TRERF1: variants seen among roughly 807,000 people sequenced by gnomAD.
TRERF1 encodes transcriptional-regulating factor 1.
Under a neutral mutation model 122.9 loss-of-function variants are expected in TRERF1, and 27 were observed. The ratio of observed to expected loss-of-function variants is 0.22; its 90% CI spans 0.16 to 0.30. The LOEUF is 0.30. TRERF1 is among the 10% of genes least tolerant of loss of function. TRERF1 has a pLI of 1.00. For synonymous variants in TRERF1, 636 were observed against 641.7 expected, an observed-to-expected ratio of 0.99 and a Z score of 0.13; for missense variants, 1,248 against 1,560.3, an observed-to-expected ratio of 0.80 and a Z score of 3.37.
In TRERF1 at chr6:42,349,056, G is replaced by C. The variant is rs1385531989; in HGVS notation, c.-371+13941C>G. 3.3e-5 allele frequency among the ~76,000 whole-genome samples: 5 copies of C among 152,160 alleles called. No homozygotes were observed. In the East Asian group the frequency reaches 9.6e-4, roughly 29 times the overall value. ...AGTGTAAGCCTAAGTGCTTGGAACT[G>C]CAGAAGGCTCTGTATAATGCACCGT... is the stretch of plus-strand genomic sequence containing the variant. On this transcript the variant is annotated intron_variant, in intron 3 of 17. Transcript: ENST00000372922.
intron 2 of TRERF1, among the ~76,000 whole-genome samples, chr6:42,363,516 A>G (rs1025861726): frequency 1.3e-5 from 2 of 151,196 alleles, no homozygotes; most frequent in African/African-American, 4.9e-5. Flanking sequence ...TCCTCCCCTC[A>G]CCTTTCTATA....
At chr6:42,354,489 T>C (rs1230396843) in intron 3 of TRERF1, among the ~76,000 whole-genome samples, 1 of 152,124 alleles carries the variant, frequency 6.6e-6, no homozygotes, top group East Asian at 1.9e-4. Context: ...TTCAATGCTA[T>C]AGATTTCCTA....
At chr6:42,283,806 G>T (rs1370008045) in intron 4 of TRERF1, among the ~76,000 whole-genome samples, 3 of 151,712 alleles carry the variant, frequency 2.0e-5, no homozygotes, top group Admixed American at 2.0e-4. Context: ...AGTAGAGACG[G>T]GGTTTCTCCA....
chr6:42,258,764 C>T (rs1777234876), intron 9 of TRERF1, among the ~76,000 whole-genome samples: 2 of 151,706 alleles, frequency 1.3e-5, no homozygotes, highest in African/African-American at 4.8e-5. Context: ...GACGGAGTTT[C>T]ACTCTCATCC....
intron 3 of TRERF1, among the ~76,000 whole-genome samples, chr6:42,321,520 A>C (rs933836235): frequency 3.3e-5 from 5 of 152,246 alleles, no homozygotes; most frequent in African/African-American, 1.2e-4. Flanking sequence ...CTTGGCTCCA[A>C]AGAGAATAAC....
intron 5 of TRERF1, among the ~76,000 whole-genome samples, chr6:42,267,196 A>AT (rs529494436): frequency 0.11 from 16,000 of 152,092 alleles, 1,994 homozygotes; most frequent in African/African-American, 0.3. Context: ...GCTCAGGCCC[A>AT]GGTGGCATGC....
At chr6:42,256,295 A>G (rs1382198951) in intron 12 of TRERF1, among the ~76,000 whole-genome samples, 1 of 152,186 alleles carries the variant, frequency 6.6e-6, no homozygotes, top group Non-Finnish European at 1.5e-5. Flanking sequence ...TATTTTGGTT[A>G]GAGGAGAAAA....
intron 10 of TRERF1, 112 bp from the exon 11 acceptor site, chr6:42,257,214 G>A (rs1320593394): frequency 3.0e-6 from 4 of 1,324,170 alleles, no homozygotes; most frequent in Non-Finnish European, 4.2e-6. Context: ...CTGCAAGAAT[G>A]CAGGGGCATT....
At chr6:42,418,258 C>CTTTT (rs1384299239) in intron 2 of TRERF1, among the ~76,000 whole-genome samples, 1 of 8,848 alleles carries the variant, frequency 1.1e-4, no homozygotes, top group African/African-American at 2.9e-4. Flanking sequence ...TTTGCTCTTT[C>CTTTT]TTTCTTTCTT....
chr6:42,401,953 C>T (rs1779448175), intron 2 of TRERF1, among the ~76,000 whole-genome samples: 1 of 152,192 alleles, frequency 6.6e-6, no homozygotes, highest in Non-Finnish European at 1.5e-5. Context: ...GCATTCCTCT[C>T]AGCAGCCGAT....
chr6:42,341,029 C>T (rs1048991918), intron 3 of TRERF1, among the ~76,000 whole-genome samples: 2 of 152,166 alleles, frequency 1.3e-5, no homozygotes, highest in Non-Finnish European at 2.9e-5. Context: ...AACAGTCCCC[C>T]GTGTACAGTG....
rs769250565 is a variant in TRERF1 at position 42,268,981 on chromosome 6, C to T, written c.610G>A (p.Val204Met). The change falls in exon 5 of 18, where the codon GTG (valine) becomes ATG (methionine). Residue 204 changes from valine (V) to methionine (M), a missense_variant. Physicochemically the swap from Val to Met is conservative, Grantham distance 21. This residue lies in a region of TRERF1 where 946 missense variants were observed against 1,073.0 expected (regional missense o/e 0.88). Coordinates refer to ENST00000372922, the Ensembl canonical transcript of TRERF1. The surrounding 1 kb of genome is among the most constrained non-coding windows in gnomAD (Gnocchi z 4.4). ...AAACCAGGGTGAGGCTGCTGGGGCA[C>T]CTGCTGGTAGCGGGAAGGGATAGCC... The T allele has an allele frequency of 6.2e-7, 1 of 1,612,288 alleles. No homozygotes were observed. Among genetic ancestry groups the T allele is most frequent in the South Asian group, 1.1e-5 (1 of 90,994 alleles).
intron 15 of TRERF1, 129 bp downstream of exon 15, chr6:42,243,119 T>C: frequency 1.4e-6 from 1 of 737,982 alleles, no homozygotes; most frequent in Non-Finnish European, 2.4e-6. Context: ...GCAGGAGAGC[T>C]GGGCTGTTGT....
chr6:42,246,300 CA>C (rs907201995), intron 14 of TRERF1, among the ~76,000 whole-genome samples, 155 bp downstream of exon 14: 1 of 152,122 alleles, frequency 6.6e-6, no homozygotes, highest in Admixed American at 6.5e-5. Context: ...ACACTGGGGC[CA>C]TACCACCCCT....
In TRERF1 at chr6:42,343,974, T is replaced by G. The variant is rs962256851; in HGVS notation, c.-371+19023A>C. Among the ~76,000 whole-genome samples the G allele has an allele frequency of 3.3e-5, 5 of 152,198 alleles. No homozygotes were observed. The East Asian group carries it at 9.6e-4, about 29-fold the overall frequency. The stretch of plus-strand genomic sequence containing the variant: ...TTCTTGCCTGTGGAAGCTTCAGCCA[T>G]ATCCTTCCTTATTCCTGCCCCAACC... On this transcript the variant is annotated intron_variant, in intron 3 of 17. Transcript: ENST00000372922.
At chr6:42,262,861 G>A (rs528212946) in intron 8 of TRERF1, among the ~76,000 whole-genome samples, 25 of 152,308 alleles carry the variant, frequency 1.6e-4, no homozygotes, top group Middle Eastern at 3.4e-3. Flanking sequence ...AGCCTGCTGC[G>A]CCAGTGGTTA....
chr6:42,317,595 G>A (rs1276998822), intron 3 of TRERF1, among the ~76,000 whole-genome samples: 1 of 152,132 alleles, frequency 6.6e-6, no homozygotes, highest in Middle Eastern at 3.4e-3. Flanking sequence ...GCTCAAGCAA[G>A]CCTCCCGCCT....
chr6:42,391,678 T>C (rs1777763372), intron 2 of TRERF1, among the ~76,000 whole-genome samples: 2 of 152,164 alleles, frequency 1.3e-5, no homozygotes, highest in South Asian at 2.1e-4. Flanking sequence ...TCCCATCTGC[T>C]GGCCACCACA....
At chr6:42,236,402 C>T (rs1772200313) in exon 16 of TRERF1, 3 of 1,553,504 alleles carry the variant, frequency 1.9e-6, no homozygotes, top group Non-Finnish European at 2.6e-6. Context: ...TCTTCTTCTT[C>T]TTCACTTGTC....
Sources: allele counts gnomAD v4.1 joint callset (sites outside exome capture counted in the v4.1 genomes callset), GRCh38; gene constraint gnomAD v4.1.1; regional missense constraint gnomAD v4.1.1; non-coding constraint Gnocchi (gnomAD v3.1); transcripts MANE v1.5; gene names NCBI Gene and HGNC (gene_info 2026-07-23, HGNC 2026-07-21).